Variants in WWC1 observed in about 807,000 individuals in gnomAD.
WWC1 encodes protein KIBRA.
WWC1 carries 55 observed loss-of-function variants against 138.4 expected under a neutral mutation model. That is an observed-to-expected ratio of 0.40 (90% CI 0.32 to 0.50). The LOEUF is 0.50. WWC1 is among the 20% of genes least tolerant of loss of function. WWC1 has a pLI of 0.72. For synonymous variants in WWC1, 524 were observed against 564.9 expected, an observed-to-expected ratio of 0.93 and a Z score of 1.03; for missense variants, 1,226 against 1,420.4, an observed-to-expected ratio of 0.86 and a Z score of 2.20.
chr5:168,397,565 G>A lies in WWC1; in HGVS notation c.434-159G>A, dbSNP rs189859515. 1.4e-3 allele frequency among the ~76,000 whole-genome samples: 217 copies of A among 152,154 alleles called. 4 individuals are homozygous for A. The highest frequency in any genetic ancestry group is 6.8e-3 in the Middle Eastern group (2 of 294). On this transcript the variant is annotated intron_variant, in intron 3 of 22. Coordinates refer to ENST00000265293, the MANE Select transcript of WWC1 (RefSeq NM_015238.3). ...TTTAAGTTGCGTAGTCCCCGTTTGC[G>A]CGTGTACCATCTTTATGTAACAAAT...
rs147908839 is a variant in WWC1 at position 168,340,879 on chromosome 5, A to G, written c.120-30545A>G. 2.3e-3 allele frequency among the ~76,000 whole-genome samples: 350 copies of G among 152,284 alleles called. 2 individuals are homozygous for G. The highest frequency in any genetic ancestry group is 7.7e-3 in the African/African-American group (320 of 41,538). ...GGACTATTTTTCTCCTTGTTTTACA[A>G]ATAAGGACATTGAGGCACAGAAAGT... On this transcript the variant is annotated intron_variant, in intron 1 of 22. Coordinates refer to ENST00000265293, the MANE Select transcript of WWC1 (RefSeq NM_015238.3).
chr5:168,330,433 A>G (rs1425437013), intron 1 of WWC1, among the ~76,000 whole-genome samples: 1 of 152,208 alleles, frequency 6.6e-6, no homozygotes, highest in Non-Finnish European at 1.5e-5. Context: ...CTTCTTATCA[A>G]TAAAATGGAG....
chr5:168,359,042 G>GTGTA (rs1019430099), intron 1 of WWC1, among the ~76,000 whole-genome samples: 2 of 21,722 alleles, frequency 9.2e-5, no homozygotes, highest in African/African-American at 1.7e-4. Flanking sequence ...GGGTGTGTGT[G>GTGTA]TGTGTGTGTG....
At chr5:168,420,961 G>T (rs6865244) in intron 9 of WWC1, among the ~76,000 whole-genome samples, 3 of 152,114 alleles carry the variant, frequency 2.0e-5, no homozygotes, top group African/African-American at 7.2e-5. Context: ...ACTTTTCCTA[G>T]CCAACTGCTG....
chr5:168,356,441 A>T (rs943148188), intron 1 of WWC1, among the ~76,000 whole-genome samples: 11 of 152,200 alleles, frequency 7.2e-5, no homozygotes, highest in Admixed American at 7.2e-4. Flanking sequence ...TGTCCATAGG[A>T]AAAAAGGTGT....
Position 168,397,748 on chromosome 5 carries a change from C to T in WWC1, c.458C>T (p.Ser153Phe). ...GTGGTCTCTGGTTCATCATCCAGCT[C>T]CAAGTATGACCCTGAGATCCTGAAA... is the stretch of plus-strand genomic sequence containing the variant. ...VSLVSGSSSS[S>F]KYDPEILKAE... Residue 153 changes from serine (S) to phenylalanine (F), a missense_variant, in exon 4 of 23, where the codon TCC becomes TTC. Ser to Phe is a radical substitution (Grantham distance 155, BLOSUM62 -2). This residue lies in a region of WWC1 where 1,016 missense variants were observed against 1,153.9 expected (regional missense o/e 0.88). Transcript: ENST00000265293. 2.5e-6 allele frequency: 4 copies of T among 1,614,022 alleles called. No homozygotes were observed. In the South Asian group the frequency reaches 4.4e-5, roughly 18 times the overall value.
chr5:168,421,323 C>T (rs561483912), intron 9 of WWC1, among the ~76,000 whole-genome samples: 2 of 152,360 alleles, frequency 1.3e-5, no homozygotes, highest in South Asian at 2.1e-4. Context: ...GCAGGGTACA[C>T]ACCACCAGTC....
chr5:168,403,061 TCTTTCTTTCTTTCTTTC>T (rs1280425163), intron 5 of WWC1, among the ~76,000 whole-genome samples: 54 of 126,492 alleles, frequency 4.3e-4, no homozygotes, highest in East Asian at 2.0e-4. Context: ...TTTCTTTCTT[TCTTTCTTTCTTTCTTTC>T]TTTTCTTTCT....
rs1405662891 is a variant in WWC1, at chr5:168,467,830, C to T, written c.3151-10C>T. The T allele has an allele frequency of 1.2e-6, 2 of 1,614,060 alleles. No homozygotes were observed. Among genetic ancestry groups the T allele is most frequent in the African/African-American group, 2.7e-5 (2 of 74,946 alleles). ...CTCCACTGACTCAGGGCCTTGCTTG[C>T]TTTGCCCAGCAGATGGACCGAGCGG... On this transcript the variant is annotated splice_polypyrimidine_tract_variant and intron_variant, in intron 21 of 22. Transcript: ENST00000265293.
At chr5:168,297,536 G>C (rs1380494851) in intron 1 of WWC1, among the ~76,000 whole-genome samples, 2 of 149,488 alleles carry the variant, frequency 1.3e-5, no homozygotes, top group African/African-American at 4.9e-5. Context: ...TGAGGCAGGA[G>C]AATCGCTTGA....
intron 17 of WWC1, among the ~76,000 whole-genome samples, chr5:168,449,063 G>T (rs1245826454): frequency 2.0e-5 from 3 of 152,128 alleles, no homozygotes; most frequent in Admixed American, 6.5e-5. Context: ...AGGCTAAATG[G>T]CCTTCAGAAT....
intron 2 of WWC1, among the ~76,000 whole-genome samples, chr5:168,378,425 A>G (rs1777386582): frequency 6.6e-6 from 1 of 152,238 alleles, no homozygotes; most frequent in South Asian, 2.1e-4. Context: ...TTTAAAAGTT[A>G]AATTTTTTAA....
chr5:168,432,754 CTG>C (rs767384228), intron 15 of WWC1, among the ~76,000 whole-genome samples: 1 of 152,068 alleles, frequency 6.6e-6, no homozygotes, highest in African/African-American at 2.4e-5. Flanking sequence ...TGTAAACAAA[CTG>C]TGAGGAGGGC....
At chr5:168,330,035 G>A (rs144469263) in intron 1 of WWC1, among the ~76,000 whole-genome samples, 6,018 of 152,210 alleles carry the variant, frequency 0.04, 390 homozygotes, top group African/African-American at 0.14. Context: ...CCTTGAACCC[G>A]GGAGGTGGAG....
intron 1 of WWC1, among the ~76,000 whole-genome samples, chr5:168,340,001 C>CTT (rs1773901810): frequency 1.9e-5 from 2 of 103,142 alleles, no homozygotes; most frequent in African/African-American, 2.9e-5. Context: ...CTCTCTCTTT[C>CTT]TCTCTTTCTT....
At chr5:168,450,750 A>G (rs952647271) in intron 17 of WWC1, among the ~76,000 whole-genome samples, 8 of 152,216 alleles carry the variant, frequency 5.3e-5, no homozygotes, top group African/African-American at 1.9e-4. Flanking sequence ...AAGTGTAAGA[A>G]AGAAACTATT....
chr5:168,379,905 A>G (rs1777487276), intron 2 of WWC1, among the ~76,000 whole-genome samples: 1 of 152,224 alleles, frequency 6.6e-6, no homozygotes, highest in South Asian at 2.1e-4. Context: ...TAAAACATCT[A>G]GAAGAAAACA....
At chr5:168,322,493 G>T (rs1250429086) in intron 1 of WWC1, among the ~76,000 whole-genome samples, 1 of 152,196 alleles carries the variant, frequency 6.6e-6, no homozygotes, top group Non-Finnish European at 1.5e-5. Context: ...GTGGGTCATG[G>T]TTCTCTATCC....
chr5:168,384,612 T>C (rs1777894662), intron 2 of WWC1, among the ~76,000 whole-genome samples: 1 of 152,180 alleles, frequency 6.6e-6, no homozygotes, highest in Admixed American at 6.5e-5. Flanking sequence ...GCATCTCTAA[T>C]GTCCTTGAGC....
Sources: allele counts gnomAD v4.1 joint callset (sites outside exome capture counted in the v4.1 genomes callset), GRCh38; gene constraint gnomAD v4.1.1; regional missense constraint gnomAD v4.1.1; transcripts MANE v1.5; gene names NCBI Gene and HGNC (gene_info 2026-07-23, HGNC 2026-07-21).